Variants in PRMT8 observed in about 807,000 individuals in gnomAD.
PRMT8 encodes the protein protein arginine N-methyltransferase 8.
A neutral mutation model predicts 47.1 loss-of-function variants in PRMT8; 7 were observed. That is an observed-to-expected ratio of 0.15 (90% CI 0.08 to 0.28). The LOEUF is 0.28. Ranked by LOEUF, PRMT8 falls within the 10% of genes least tolerant of loss-of-function variation. PRMT8 has a pLI of 1.00. For missense variants in PRMT8, 237 were observed against 505.4 expected (o/e 0.47, Z 5.09); for synonymous variants, 188 against 186.5 (o/e 1.01, Z -0.07).
At chr12:3,429,571 A>G (rs1864651235) in intron 1 of PRMT8, among the ~76,000 whole-genome samples, 1 of 152,236 alleles carries the variant, frequency 6.6e-6, no homozygotes, top group African/African-American at 2.4e-5. Context: ...AAGCCAGGTC[A>G]AAACCAAAAC....
At chr12:3,431,962 G>A (rs1041025292) in intron 1 of PRMT8, among the ~76,000 whole-genome samples, 14 of 152,242 alleles carry the variant, frequency 9.2e-5, no homozygotes, top group Admixed American at 9.2e-4. Context: ...CATTAAAGGA[G>A]CAGGAATTTT....
At position 3,593,301 on chromosome 12, in the gene PRMT8, GC is replaced by G; in HGVS notation, c.*121del. The G allele has an allele frequency of 1.2e-6, 1 of 863,218 alleles. No individual in the cohort carries two copies. The highest frequency in any genetic ancestry group is 2.7e-5 in the East Asian group (1 of 37,258). 53.5% of individuals were successfully genotyped at this position (863,218 alleles called of 1,614,324 possible). On this transcript the variant is annotated 3_prime_UTR_variant, in exon 10 of 10. Coordinates refer to ENST00000382622, the MANE Select transcript of PRMT8 (RefSeq NM_019854.5). This position sits in a 1 kb window ranked among gnomAD's most constrained non-coding sequence, Gnocchi z 4.8. ...CTTGAAAACCAGAGTTTTCAACTCTGCCTTGAAGATTGGTGAACTCCCCAGG... is the reference window on the plus strand; with the variant it reads ...CTTGAAAACCAGAGTTTTCAACTCTGCTTGAAGATTGGTGAACTCCCCAGG...
At chr12:3,536,744 G>A (rs1233983758) in intron 1 of PRMT8, among the ~76,000 whole-genome samples, 2 of 152,190 alleles carry the variant, frequency 1.3e-5, no homozygotes, top group Non-Finnish European at 2.9e-5. Flanking sequence ...CTTGGACACC[G>A]GAGTGCAATG....
At chr12:3,418,032 A>G (rs748429869) in intron 1 of PRMT8, among the ~76,000 whole-genome samples, 13 of 152,348 alleles carry the variant, frequency 8.5e-5, no homozygotes, top group Middle Eastern at 3.4e-3. Context: ...TGAGGATTAA[A>G]TGAGTTCATG....
In PRMT8 at chr12:3,568,901, C is replaced by T. The variant is rs1015649363; in HGVS notation, c.624+53C>T. 3.7e-6 allele frequency: 6 copies of T among 1,608,202 alleles called. No homozygotes were observed. In the East Asian group the frequency reaches 1.1e-4, roughly 30 times the overall value. On this transcript the variant is annotated intron_variant, in intron 5 of 9. Transcript: ENST00000382622. The stretch of plus-strand genomic sequence containing the variant: ...TTGGCCGGCTGGCTGTCCTGCTCCT[C>T]TACCCAAGGCCTGCAGCCTAGGAGG...
chr12:3,422,937 T>G (rs563233918), intron 1 of PRMT8, among the ~76,000 whole-genome samples: 14 of 152,380 alleles, frequency 9.2e-5, no homozygotes, highest in African/African-American at 2.9e-4. Flanking sequence ...GTGATTCATA[T>G]AGTACACTTG....
intron 1 of PRMT8, among the ~76,000 whole-genome samples, chr12:3,522,204 T>C (rs1372970467): frequency 6.6e-6 from 1 of 152,070 alleles, no homozygotes; most frequent in East Asian, 1.9e-4. Flanking sequence ...ACCACTAACT[T>C]TCCTACTATA....
intron 1 of PRMT8, among the ~76,000 whole-genome samples, chr12:3,484,231 C>T (rs1430951417): frequency 6.6e-6 from 1 of 152,130 alleles, no homozygotes; most frequent in Non-Finnish European, 1.5e-5. Context: ...TGCCTCTGAC[C>T]AGTCTTTGCT....
chr12:3,447,914 G>A (rs1246385136), intron 1 of PRMT8, among the ~76,000 whole-genome samples: 1 of 152,184 alleles, frequency 6.6e-6, no homozygotes, highest in Non-Finnish European at 1.5e-5. Flanking sequence ...CGGATGTGCA[G>A]GGAGGCTTAG....
In PRMT8 at chr12:3,583,219, T is replaced by G; in HGVS notation, c.979+11T>G. On this transcript the variant is annotated intron_variant, in intron 8 of 9. Coordinates refer to ENST00000382622, the MANE Select transcript of PRMT8 (RefSeq NM_019854.5). The surrounding 1 kb of genome is among the most constrained non-coding windows in gnomAD (Gnocchi z 4.7). Reference sequence around the variant, plus strand: ...TGGGGTTTTCCACAGGTGAGCTGTTTGTTGCTTCCCAGAGCCTCCTCCCTC... The same window carrying G: ...TGGGGTTTTCCACAGGTGAGCTGTTGGTTGCTTCCCAGAGCCTCCTCCCTC... 8 of 1,605,484 alleles carry G rather than the reference T, an allele frequency of 5.0e-6. No homozygotes were observed. Among genetic ancestry groups the G allele is most frequent in the Non-Finnish European group, 6.8e-6 (8 of 1,175,686 alleles).
chr12:3,569,635 G>A lies in PRMT8; in HGVS notation c.712+71G>A, dbSNP rs537293384. The A allele has an allele frequency of 4.8e-5, 59 of 1,221,952 alleles. No individual in the cohort carries two copies. Among genetic ancestry groups the A allele is most frequent in the Admixed American group, 1.9e-4 (11 of 59,200 alleles). 75.7% of individuals were successfully genotyped at this position (1,221,952 alleles called of 1,614,324 possible). ...GGGTGGGAGGCACTCCAGTGGGCCC[G>A]AGATGAGCAGGCAGTGACATGAACA... On this transcript the variant is annotated intron_variant, in intron 6 of 9. Transcript: ENST00000382622. This position sits in a 1 kb window ranked among gnomAD's most constrained non-coding sequence, Gnocchi z 8.2.
chr12:3,481,794 G>A (rs1333846120), intron 1 of PRMT8, among the ~76,000 whole-genome samples: 2 of 152,196 alleles, frequency 1.3e-5, no homozygotes, highest in African/African-American at 4.8e-5. Flanking sequence ...TGTGACACTA[G>A]CTGTCATGGC....
intron 1 of PRMT8, among the ~76,000 whole-genome samples, chr12:3,383,685 A>G (rs1864112984): frequency 6.6e-6 from 1 of 152,228 alleles, no homozygotes; most frequent in Admixed American, 6.5e-5. Context: ...AGTCTCCAGA[A>G]CTGTGAGAAA....
In PRMT8 at chr12:3,456,938, G is replaced by A. The variant is rs979011597; in HGVS notation, c.48+75496G>A. 2.0e-5 allele frequency among the ~76,000 whole-genome samples: 3 copies of A among 152,212 alleles called. No individual in the cohort carries two copies. The highest frequency in any genetic ancestry group is 7.2e-5 in the African/African-American group (3 of 41,448). On this transcript the variant is annotated intron_variant, in intron 1 of 9. Transcript: ENST00000452611. The surrounding 1 kb of genome is among the most constrained non-coding windows in gnomAD (Gnocchi z 4.2). ...GTGGCTGACGTCCTAGCCGTGTTAA[G>A]GGGGTGGGGGCTCTGGCCTCGCTGA...
chr12:3,588,571 G>A (rs1319861712), intron 8 of PRMT8, among the ~76,000 whole-genome samples: 2 of 152,186 alleles, frequency 1.3e-5, no homozygotes, highest in Non-Finnish European at 2.9e-5. Flanking sequence ...GGACAAAGTG[G>A]TGTTCATCCC....
intron 1 of PRMT8, among the ~76,000 whole-genome samples, chr12:3,515,240 T>C (rs1449989123): frequency 2.0e-5 from 3 of 152,202 alleles, no homozygotes; most frequent in Non-Finnish European, 4.4e-5. Flanking sequence ...TTAGGATTGC[T>C]AGCTGCTCAC....
chr12:3,553,779 G>A (rs1866470776), intron 4 of PRMT8, 65 bp downstream of exon 4: 6 of 1,434,010 alleles, frequency 4.2e-6, no homozygotes, highest in Non-Finnish European at 5.9e-6. Context: ...CTTTCTTGTT[G>A]GGATGGCATA....
At chr12:3,591,903 T>A (rs185308906) in intron 8 of PRMT8, among the ~76,000 whole-genome samples, 9 of 152,300 alleles carry the variant, frequency 5.9e-5, no homozygotes, top group Admixed American at 5.9e-4. Flanking sequence ...TGCATGTATG[T>A]CCATGCATTT....
intron 1 of PRMT8, chr12:3,381,457 A>G (rs568841420): frequency 1.4e-5 from 21 of 1,535,858 alleles, no homozygotes; most frequent in African/African-American, 4.1e-5. Context: ...GTCAGCTTGT[A>G]TGGTAATTTC....
Sources: allele counts gnomAD v4.1 joint callset (sites outside exome capture counted in the v4.1 genomes callset), GRCh38; gene constraint gnomAD v4.1.1; non-coding constraint Gnocchi (gnomAD v3.1); transcripts MANE v1.5; gene names NCBI Gene and HGNC (gene_info 2026-07-23, HGNC 2026-07-21).